The following PHRF1 variants were observed in gnomAD, a reference collection of about 807,000 sequenced individuals.
The protein encoded by PHRF1 is PHD and ring finger domains 1.
PHRF1 carries 53 observed loss-of-function variants against 128.9 expected under a neutral mutation model. The ratio of observed to expected loss-of-function variants is 0.41; its 90% CI spans 0.33 to 0.52. The LOEUF is 0.52. PHRF1 is among the 20% of genes least tolerant of loss of function. The pLI, the probability that PHRF1 is intolerant of heterozygous loss-of-function variation, is 0.21. For synonymous variants in PHRF1, 1,178 were observed against 980.6 expected, an observed-to-expected ratio of 1.20 and a Z score of -3.76; for missense variants, 2,503 against 2,284.5, an observed-to-expected ratio of 1.10 and a Z score of -1.95.
At chr11:585,274 A>G (rs1854469936) in intron 3 of PHRF1, among the ~76,000 whole-genome samples, 2 of 138,648 alleles carry the variant, frequency 1.4e-5, no homozygotes, top group Non-Finnish European at 3.1e-5. Flanking sequence ...AGCTTGAGGT[A>G]GTAGCCCTTT....
chr11:608,522 C>G lies in PHRF1; in HGVS notation c.3066C>G (p.Arg1022=), dbSNP rs770618550. The change falls in exon 14 of 18, where the codon CGC becomes CGG. Residue 1022 remains arginine, a synonymous_variant. Coordinates refer to ENST00000264555, the MANE Select transcript of PHRF1 (RefSeq NM_001286581.2). The part of the protein sequence containing the change: ...REHGRTRSGT[R]SESRDRSSRS... ...ACGGACGGACGCGCTCTGGGACGCGCTCTGAATCCAGGGACAGGAGCTCGA... is the reference window on the plus strand; with the variant it reads ...ACGGACGGACGCGCTCTGGGACGCGGTCTGAATCCAGGGACAGGAGCTCGA... 5.6e-6 allele frequency: 9 copies of G among 1,602,964 alleles called. No individual in the cohort carries two copies. The South Asian group carries it at 9.9e-5, about 18-fold the overall frequency.
At chr11:580,796 C>A (rs1042879162) in intron 1 of PHRF1, among the ~76,000 whole-genome samples, 2 of 152,218 alleles carry the variant, frequency 1.3e-5, no homozygotes, top group Admixed American at 6.5e-5. Context: ...GCAAGCGATT[C>A]TCCTGCCTCA....
chr11:611,636 C>A lies in PHRF1; in HGVS notation c.4809C>A (p.Ile1603=). The part of the protein sequence containing the change: ...KDILRKAVQK[I]CHSKSGEINP... ...GGTGATTGCACCTCTTTCTCCAGAT[C>A]TGCCACAGCAAGAGTGGAGAGATCA... Residue 1603 remains isoleucine, a splice_region_variant and synonymous_variant, in exon 18 of 18, where the codon ATC becomes ATA. Transcript: ENST00000264555. 1.2e-6 allele frequency: 2 copies of A among 1,612,972 alleles called. No individual in the cohort carries two copies. Among genetic ancestry groups the A allele is most frequent in the Non-Finnish European group, 1.7e-6 (2 of 1,179,826 alleles).
Position 610,391 on chromosome 11 carries a change from T to C in PHRF1, c.4416+44T>C, listed in dbSNP as rs746057546. 12 of 1,535,416 alleles carry C rather than the reference T, an allele frequency of 7.8e-6. No homozygotes were observed. In the South Asian group the frequency reaches 1.5e-4, roughly 19 times the overall value. The stretch of plus-strand genomic sequence containing the variant: ...GGGCTGTGGGCCGTGGGCAGTGGCC[T>C]GGCACCCGTGCCACACACACCACAC... On this transcript the variant is annotated intron_variant, in intron 15 of 17. Coordinates refer to ENST00000264555, the MANE Select transcript of PHRF1 (RefSeq NM_001286581.2).
chr11:599,994 C>T (rs1855534780), intron 9 of PHRF1, among the ~76,000 whole-genome samples: 1 of 152,060 alleles, frequency 6.6e-6, no homozygotes, highest in African/African-American at 2.4e-5. Flanking sequence ...GGGCGTTTGG[C>T]TGGGTGTTTT....
chr11:611,324 C>T (rs1203740332), intron 17 of PHRF1, among the ~76,000 whole-genome samples: 10 of 152,296 alleles, frequency 6.6e-5, no homozygotes, highest in South Asian at 2.1e-4. Flanking sequence ...TAATTTAAAA[C>T]TACCCAGCCC....
Position 608,878 on chromosome 11 carries a change from G to A in PHRF1, c.3422G>A (p.Arg1141His), listed in dbSNP as rs771237093. 1.1e-5 allele frequency: 17 copies of A among 1,612,180 alleles called. No homozygotes were observed. Among genetic ancestry groups the A allele is most frequent in the African/African-American group, 2.7e-5 (2 of 74,874 alleles). The change falls in exon 14 of 18, where the codon CGC (arginine) becomes CAC (histidine). Residue 1141 changes from arginine to histidine, a missense_variant. Physicochemically the swap from Arg to His is conservative, Grantham distance 29 (BLOSUM62 0). Transcript: ENST00000264555. ...TGCAGGCACAAGCATCAGCGGGAAC[G>A]CAGCCACGAGCGGCCAGACAGGAAG... is the stretch of plus-strand genomic sequence containing the variant. Reference protein sequence around the residue: ...RLCRHKHQRERSHERPDRKES... With the variant: ...RLCRHKHQREHSHERPDRKES...
rs1854503924 is a variant in PHRF1, at chr11:585,674, TCAAC to T, written c.215-1584_215-1581del. On this transcript the variant is annotated intron_variant, in intron 3 of 17. Coordinates refer to ENST00000264555, the MANE Select transcript of PHRF1 (RefSeq NM_001286581.2). ...CTTTCCAGCTTGAGGTAGTAGCTCT[TCAAC>T]TCTTTTTTTTTTTTTTTTTTGAGGT... Among the ~76,000 whole-genome samples, 12 of 145,060 alleles carry T rather than the reference TCAAC, an allele frequency of 8.3e-5. 2 individuals carry two copies. Among genetic ancestry groups the T allele is most frequent in the Non-Finnish European group, 1.2e-4 (8 of 66,524 alleles).
intron 3 of PHRF1, among the ~76,000 whole-genome samples, chr11:586,813 A>G (rs1245615596): frequency 6.6e-6 from 1 of 151,460 alleles, no homozygotes; most frequent in Non-Finnish European, 1.5e-5. Flanking sequence ...CCGCGGGCAG[A>G]GGGTTTGTGG....
At position 597,361 on chromosome 11, in the gene PHRF1, A is replaced by G. The variant is rs752304296; in HGVS notation, c.719-34A>G. The stretch of plus-strand genomic sequence containing the variant: ...CGTTGGGGGAGGCGTGTGGCCTGTG[A>G]GTGTGGCACATCAGCCCTGGTGGTT... On this transcript the variant is annotated intron_variant, in intron 7 of 17. Transcript: ENST00000264555. The surrounding 1 kb of genome is among the most constrained non-coding windows in gnomAD (Gnocchi z 6.5). 13 of 1,596,510 alleles carry G rather than the reference A, an allele frequency of 8.1e-6. No individual in the cohort carries two copies. The East Asian group carries it at 2.7e-4, about 33-fold the overall frequency.
At position 600,304 on chromosome 11, in the gene PHRF1, A is replaced by G. The variant is rs571610586; in HGVS notation, c.1025-1270A>G. ...CTCATCTTGCCCAGGCTGGAGTGCA[A>G]TGGCGCAATCTCAGCTCACTGCAAC... is the stretch of plus-strand genomic sequence containing the variant. On this transcript the variant is annotated intron_variant, in intron 9 of 17. Coordinates refer to ENST00000264555, the MANE Select transcript of PHRF1 (RefSeq NM_001286581.2). 7.3e-5 allele frequency among the ~76,000 whole-genome samples: 11 copies of G among 150,378 alleles called. No individual in the cohort carries two copies. In the East Asian group the frequency reaches 1.6e-3, roughly 21 times the overall value.
chr11:601,292 G>A (rs1359617190), intron 9 of PHRF1, among the ~76,000 whole-genome samples: 2 of 151,948 alleles, frequency 1.3e-5, no homozygotes, highest in African/African-American at 4.8e-5. Context: ...AGCTGGGCAC[G>A]GTGGTGCCTA....
Position 609,042 on chromosome 11 carries a change from G to T in PHRF1, c.3586G>T (p.Gly1196Trp). Residue 1196 changes from glycine to tryptophan, a missense_variant, in exon 14 of 18, where the codon GGG (glycine) becomes TGG (tryptophan). Coordinates refer to ENST00000264555, the MANE Select transcript of PHRF1 (RefSeq NM_001286581.2). ...CCGGTCCCATTCCCCAGAGAGGAAG[G>T]GGGCTGTGAGGGAGGCTTCCCCAGC... ...QTRSHSPERK[G>W]AVREASPAPL... 1 of 1,594,412 alleles carries T rather than the reference G, an allele frequency of 6.3e-7. No individual in the cohort carries two copies. The highest frequency in any genetic ancestry group is 8.5e-7 in the Non-Finnish European group (1 of 1,171,116).
chr11:587,583 GGGGCCA>G, intron 4 of PHRF1, 119 bp downstream of exon 4: 1 of 1,012,264 alleles, frequency 9.9e-7, no homozygotes. Context: ...GGCTGACCCT[GGGGCCA>G]CAGGATTGAG....
chr11:596,843 C>A, intron 6 of PHRF1, 80 bp from the exon 7 acceptor site: 1 of 1,300,640 alleles, frequency 7.7e-7, no homozygotes, highest in Non-Finnish European at 1.1e-6. Context: ...CGGAGGCCTG[C>A]TTTGTGGTCC....
In PHRF1 at chr11:592,713, G is replaced by T. The variant is rs377111870; in HGVS notation, c.620+39G>T. On this transcript the variant is annotated intron_variant, in intron 6 of 17. Coordinates refer to ENST00000264555, the MANE Select transcript of PHRF1 (RefSeq NM_001286581.2). ...GGGACTGGCACACGTGCCCTGCTGC[G>T]TGCAAGGCGGGCCAGGCGCAGGAGG... 4 of 1,598,324 alleles carry T rather than the reference G, an allele frequency of 2.5e-6. No individual in the cohort carries two copies. In the African/African-American group the frequency reaches 4.0e-5, roughly 16 times the overall value.
intron 11 of PHRF1, 53 bp from the exon 12 acceptor site, chr11:605,551 GT>G: frequency 1.9e-6 from 3 of 1,598,382 alleles, no homozygotes; most frequent in Non-Finnish European, 2.6e-6. Context: ...CTGGGCTGGG[GT>G]TTCTGGGAGC....
rs774725932 is a variant in PHRF1, at chr11:607,145, A to C, written c.1689A>C (p.Ala563=). Residue 563 remains alanine (A), a synonymous_variant, in exon 14 of 18, where the codon GCA becomes GCC. Transcript: ENST00000264555. ...EGFKGCLQPR[A]LPSGSPAQGP... ...TCAAGGGCTGCCTGCAGCCCCGAGCACTGCCCTCCGGGAGCCCGGCCCAAG... is the reference window on the plus strand; with the variant it reads ...TCAAGGGCTGCCTGCAGCCCCGAGCCCTGCCCTCCGGGAGCCCGGCCCAAG... 10 of 1,613,028 alleles carry C rather than the reference A, an allele frequency of 6.2e-6. No individual in the cohort carries two copies. Among genetic ancestry groups the C allele is most frequent in the Non-Finnish European group, 8.5e-6 (10 of 1,179,770 alleles).
At chr11:591,526 CAG>C in intron 5 of PHRF1, 59 bp downstream of exon 5, 2 of 1,378,044 alleles carry the variant, frequency 1.5e-6, no homozygotes, top group Non-Finnish European at 2.0e-6. Flanking sequence ...CCCTGTGGGA[CAG>C]AGCATGCTTT....
Sources: gnomAD v4.1 joint callset for allele counts (sites outside exome capture counted in the v4.1 genomes callset) on GRCh38, gnomAD v4.1.1 for gene constraint, Gnocchi (gnomAD v3.1) non-coding constraint, MANE v1.5 for transcripts, NCBI Gene and HGNC (gene_info 2026-07-23, HGNC 2026-07-21) for gene names.